Variants in ESRRG observed in about 807,000 individuals in gnomAD.
The protein encoded by ESRRG is estrogen-related receptor gamma.
ESRRG carries 13 observed loss-of-function variants against 44.0 expected under a neutral mutation model. The ratio of observed to expected loss-of-function variants is 0.30; its 90% CI spans 0.19 to 0.47. ESRRG has a LOEUF of 0.47. Among genes scored for constraint, ESRRG ranks in the 20% least tolerant of loss-of-function variants. The pLI, the probability that ESRRG is intolerant of heterozygous loss-of-function variation, is 1.00. For synonymous variants in ESRRG, 215 were observed against 214.6 expected, an observed-to-expected ratio of 1.00 and a Z score of -0.02; for missense variants, 395 against 580.6, an observed-to-expected ratio of 0.68 and a Z score of 3.29.
chr1:217,043,557 A>G (rs976138200), intron 1 of ESRRG, among the ~76,000 whole-genome samples: 3 of 152,202 alleles, frequency 2.0e-5, no homozygotes, highest in Non-Finnish European at 4.4e-5. Flanking sequence ...AAGAGCCATC[A>G]TCTTAACCAG....
At chr1:216,591,564 A>T (rs1004643916) in intron 3 of ESRRG, among the ~76,000 whole-genome samples, 1 of 152,230 alleles carries the variant, frequency 6.6e-6, no homozygotes, top group African/African-American at 2.4e-5. Context: ...TTGGTTTCTT[A>T]ATTTCATTTT....
intron 5 of ESRRG, among the ~76,000 whole-genome samples, chr1:216,556,541 G>A (rs11117617): frequency 0.027 from 4,060 of 152,258 alleles, 114 homozygotes; most frequent in African/African-American, 0.069. Context: ...TCAAAATGCA[G>A]TTCAACTCAG....
intron 2 of ESRRG, among the ~76,000 whole-genome samples, chr1:216,737,722 T>A (rs2090131358): frequency 6.6e-6 from 1 of 151,950 alleles, no homozygotes; most frequent in Admixed American, 6.6e-5. Flanking sequence ...CTTGGGCAAG[T>A]ACCTGAATTA....
chr1:217,133,645 C>CTCTCTCTCTCTCTCTCTCTCTCTT (rs1266397788), intron 1 of ESRRG, among the ~76,000 whole-genome samples: 5 of 91,724 alleles, frequency 5.5e-5, no homozygotes, highest in African/African-American at 1.7e-4. Flanking sequence ...CTCTCTCTCT[C>CTCTCTCTCTCTCTCTCTCTCTCTT]TCTTTCTTTC....
At chr1:216,927,085 A>G (rs1180148923) in intron 2 of ESRRG, among the ~76,000 whole-genome samples, 1 of 152,180 alleles carries the variant, frequency 6.6e-6, no homozygotes, top group Non-Finnish European at 1.5e-5. Flanking sequence ...TTAATTCTGA[A>G]AGCAATCCGA....
At chr1:216,911,294 A>G (rs975892530) in intron 2 of ESRRG, among the ~76,000 whole-genome samples, 4 of 152,178 alleles carry the variant, frequency 2.6e-5, no homozygotes, top group Admixed American at 2.0e-4. Context: ...ATTCAGTGCT[A>G]AAAAGACGAA....
At chr1:216,703,198 C>T (rs888498006) in intron 1 of ESRRG, among the ~76,000 whole-genome samples, 1 of 151,784 alleles carries the variant, frequency 6.6e-6, no homozygotes, top group African/African-American at 2.4e-5. Flanking sequence ...CAACAACTAA[C>T]ATGTGCAGGG....
chr1:216,829,390 T>G (rs2095448918), intron 2 of ESRRG, among the ~76,000 whole-genome samples: 1 of 152,112 alleles, frequency 6.6e-6, no homozygotes, highest in South Asian at 2.1e-4. Context: ...GTGTCTCCAT[T>G]TAGTTCCTTA....
At chr1:216,528,090 G>T (rs11117609) in intron 5 of ESRRG, among the ~76,000 whole-genome samples, 1 of 151,892 alleles carries the variant, frequency 6.6e-6, no homozygotes. Flanking sequence ...CTTTCAAAAA[G>T]ATGCGACGTT....
chr1:217,046,538 T>C (rs188810181), intron 1 of ESRRG, among the ~76,000 whole-genome samples: 1 of 152,250 alleles, frequency 6.6e-6, no homozygotes, highest in Non-Finnish European at 1.5e-5. Context: ...ATTTGGGGCA[T>C]AAAGTAATAA....
intron 2 of ESRRG, among the ~76,000 whole-genome samples, chr1:216,840,072 C>A (rs951504847): frequency 6.6e-6 from 1 of 152,182 alleles, no homozygotes; most frequent in Non-Finnish European, 1.5e-5. Context: ...GCATTGATTT[C>A]TCCTTTCTAT....
rs114353108 is a variant in ESRRG at position 216,511,019 on chromosome 1, T to A, written c.1133-3836A>T. Among the ~76,000 whole-genome samples the A allele has an allele frequency of 8.3e-3, 1,268 of 152,296 alleles. 15 individuals carry two copies. The highest frequency in any genetic ancestry group is 0.026 in the African/African-American group (1,077 of 41,554). On this transcript the variant is annotated intron_variant, in intron 6 of 6. Transcript: ENST00000408911. ...AGAGTGCCAAATCTCATTTTGAGTA[T>A]GGAATTGAATATTAGATACAGGCAC...
intron 1 of ESRRG, among the ~76,000 whole-genome samples, chr1:216,689,476 T>C (rs1412427084): frequency 2.0e-5 from 3 of 152,188 alleles, no homozygotes; most frequent in Admixed American, 6.6e-5. Context: ...CTGATTATCA[T>C]CCATAAATAC....
intron 2 of ESRRG, among the ~76,000 whole-genome samples, chr1:216,780,611 G>A (rs1219911257): frequency 2.0e-5 from 3 of 151,984 alleles, no homozygotes; most frequent in Non-Finnish European, 2.9e-5. Context: ...CTAGAGTGGA[G>A]GGAGATCTGA....
At chr1:216,669,646 G>A (rs1321896949) in intron 2 of ESRRG, among the ~76,000 whole-genome samples, 3 of 152,212 alleles carry the variant, frequency 2.0e-5, no homozygotes, top group Non-Finnish European at 4.4e-5. Context: ...AGCACTTGGG[G>A]AGGCCAAGGT....
chr1:216,763,410 G>T (rs931627537), intron 2 of ESRRG, among the ~76,000 whole-genome samples: 3 of 152,024 alleles, frequency 2.0e-5, no homozygotes, highest in Admixed American at 2.0e-4. Flanking sequence ...GAACCCTTTG[G>T]TTTTACAAAT....
intron 1 of ESRRG, among the ~76,000 whole-genome samples, chr1:217,014,503 T>C (rs1397010686): frequency 6.6e-6 from 1 of 152,194 alleles, no homozygotes; most frequent in Non-Finnish European, 1.5e-5. Flanking sequence ...AATATGGCTT[T>C]CTCTCATTGG....
At chr1:216,553,083 C>G (rs750259005) in intron 5 of ESRRG, among the ~76,000 whole-genome samples, 6 of 151,894 alleles carry the variant, frequency 4.0e-5, no homozygotes, top group Non-Finnish European at 7.4e-5. Flanking sequence ...ACAGACAAAT[C>G]ACAAGAATAA....
intron 2 of ESRRG, among the ~76,000 whole-genome samples, chr1:216,938,426 C>G (rs2064537192): frequency 6.6e-6 from 1 of 152,098 alleles, no homozygotes; most frequent in Non-Finnish European, 1.5e-5. Flanking sequence ...GCCAGAACTC[C>G]ATTTTATGAT....
Sources: allele counts gnomAD v4.1 joint callset (sites outside exome capture counted in the v4.1 genomes callset), GRCh38; gene constraint gnomAD v4.1.1; transcripts MANE v1.5; gene names NCBI Gene and HGNC (gene_info 2026-07-23, HGNC 2026-07-21).